The following CCDC171 variants were observed in gnomAD, a reference collection of about 807,000 sequenced individuals.
CCDC171 encodes the protein coiled-coil domain containing 171.
CCDC171 carries 177 observed loss-of-function variants against 168.2 expected under a neutral mutation model. The observed-to-expected ratio is 1.05, with a 90% CI of 0.93 to 1.19. The LOEUF is 1.19. Ranked by LOEUF, CCDC171 falls within the 50% of genes most tolerant of loss-of-function variation. The pLI is 0.00. For synonymous variants in CCDC171, 687 were observed against 540.8 expected, an observed-to-expected ratio of 1.27 and a Z score of -3.75; for missense variants, 1,991 against 1,539.0, an observed-to-expected ratio of 1.29 and a Z score of -4.91.
Position 15,820,182 on chromosome 9 carries a change from T to G in CCDC171, c.3268-26520T>G, listed in dbSNP as rs2059711368. On this transcript the variant is annotated intron_variant, in intron 21 of 25. Coordinates refer to ENST00000380701, the MANE Select transcript of CCDC171 (RefSeq NM_173550.4). ...AACATACCAGAATCTCTGGGACACATTCAAAGCAGTGTGTAGAGGGAAATT... is the reference window on the plus strand; with the variant it reads ...AACATACCAGAATCTCTGGGACACAGTCAAAGCAGTGTGTAGAGGGAAATT... Among the ~76,000 whole-genome samples the G allele has an allele frequency of 1.7e-5, 2 of 116,432 alleles. 1 individual carries two copies. 76.4% of individuals were successfully genotyped at this position (116,432 alleles called of 152,430 possible).
At chr9:15,839,215 A>G (rs562582391) in intron 21 of CCDC171, among the ~76,000 whole-genome samples, 1 of 152,314 alleles carries the variant, frequency 6.6e-6, no homozygotes, top group Admixed American at 6.5e-5. Context: ...GTGTATCCTT[A>G]AATAATACTG....
intron 11 of CCDC171, among the ~76,000 whole-genome samples, chr9:15,708,600 C>G (rs1176592147): frequency 6.6e-6 from 1 of 152,074 alleles, no homozygotes; most frequent in Non-Finnish European, 1.5e-5. Context: ...CAGAATACAG[C>G]TAGCCAGGAA....
In CCDC171 at chr9:15,729,804, C is replaced by A; in HGVS notation, c.2049+6C>A. 6.3e-7 allele frequency: 1 copy of A among 1,593,766 alleles called. No individual in the cohort carries two copies. ...AGGTGCAGAAGAGGGCACAGGTATG[C>A]TACCTTTACAAAGAGCTTTAAAAAA... On this transcript the variant is annotated splice_donor_region_variant and intron_variant, in intron 16 of 25. Transcript: ENST00000380701.
chr9:15,882,192 G>T (rs1818740016), intron 24 of CCDC171, among the ~76,000 whole-genome samples: 1 of 152,178 alleles, frequency 6.6e-6, no homozygotes, highest in African/African-American at 2.4e-5. Context: ...GATAGTTAAT[G>T]ATGTTGAGTA....
chr9:16,098,191 T>A, the CCDC171 span, among the ~76,000 whole-genome samples: 198 of 152,280 alleles, frequency 1.3e-3, 2 homozygotes, highest in African/African-American at 4.5e-3. Context: ...TCGCTGAGCC[T>A]TTTTTCCCCT....
At chr9:15,661,014 C>T (rs1189873981) in intron 8 of CCDC171, among the ~76,000 whole-genome samples, 5 of 152,196 alleles carry the variant, frequency 3.3e-5, no homozygotes, top group Non-Finnish European at 7.3e-5. Flanking sequence ...GGCGCGGGGG[C>T]TCACGCCTGT....
intron 2 of CCDC171, among the ~76,000 whole-genome samples, chr9:15,568,641 C>T (rs534300193): frequency 2.0e-5 from 3 of 152,230 alleles, no homozygotes; most frequent in South Asian, 4.1e-4. Context: ...TTTTGATTTG[C>T]GTTTCTCTAA....
At chr9:15,561,253 A>G (rs2039280798) in intron 1 of CCDC171, among the ~76,000 whole-genome samples, 2 of 152,198 alleles carry the variant, frequency 1.3e-5, no homozygotes, top group South Asian at 2.1e-4. Context: ...CGATGCCTGG[A>G]GAAGGGAGTT....
chr9:16,045,428 A>G (rs961847879), intron 1 of CCDC171, among the ~76,000 whole-genome samples: 1 of 152,236 alleles, frequency 6.6e-6, no homozygotes, highest in Admixed American at 6.5e-5. Flanking sequence ...GGAGGCTTAC[A>G]GCAGCCCTGA....
intron 25 of CCDC171, among the ~76,000 whole-genome samples, chr9:15,962,975 A>G (rs1830487710): frequency 6.6e-6 from 1 of 151,984 alleles, no homozygotes; most frequent in Non-Finnish European, 1.5e-5. Context: ...ATATTTCTCT[A>G]TCAGCCTTTA....
intron 18 of CCDC171, among the ~76,000 whole-genome samples, chr9:15,772,342 C>A (rs1448674199): frequency 6.6e-6 from 1 of 152,012 alleles, no homozygotes; most frequent in African/African-American, 2.4e-5. Flanking sequence ...AAGACAAATT[C>A]GCTTACTACT....
chr9:15,991,981 T>G (rs73413959), intron 3 of CCDC171, among the ~76,000 whole-genome samples: 2 of 151,998 alleles, frequency 1.3e-5, no homozygotes, highest in African/African-American at 4.8e-5. Flanking sequence ...TGGATTCACA[T>G]CCAAATTCTA....
intron 3 of CCDC171, among the ~76,000 whole-genome samples, chr9:15,574,903 G>A (rs1225584180): frequency 2.0e-5 from 3 of 152,200 alleles, no homozygotes; most frequent in African/African-American, 7.2e-5. Context: ...TTAGTAGACA[G>A]AGGGTACAGG....
At chr9:15,581,698 T>C (rs2041131825) in intron 4 of CCDC171, among the ~76,000 whole-genome samples, 1 of 152,070 alleles carries the variant, frequency 6.6e-6, no homozygotes, top group Non-Finnish European at 1.5e-5. Context: ...CCCTATTTAA[T>C]AAATTGTGTT....
chr9:15,901,669 T>C (rs1470353312), intron 24 of CCDC171, among the ~76,000 whole-genome samples: 1 of 152,190 alleles, frequency 6.6e-6, no homozygotes, highest in Non-Finnish European at 1.5e-5. Context: ...ACATATGTAT[T>C]CTTTACTATA....
rs200424950 is a variant in CCDC171, at chr9:15,787,245, C to CT, written c.3267+2561dup. Among the ~76,000 whole-genome samples the CT allele has an allele frequency of 5.2e-3, 770 of 148,136 alleles. 4 individuals are homozygous for CT. Among genetic ancestry groups the CT allele is most frequent in the East Asian group, 0.017 (89 of 5,086 alleles). ...ATCATTTCTTTGTGGTGATAATCCA[C>CT]TTTTTTTTTTACCATTTTGAAATAT... On this transcript the variant is annotated intron_variant, in intron 21 of 25. Coordinates refer to ENST00000380701, the MANE Select transcript of CCDC171 (RefSeq NM_173550.4).
chr9:15,848,276 C>T (rs1316862066), intron 22 of CCDC171, among the ~76,000 whole-genome samples: 1 of 151,906 alleles, frequency 6.6e-6, no homozygotes, highest in Non-Finnish European at 1.5e-5. Flanking sequence ...TTTCAATTTA[C>T]AATTAGATTT....
rs1231063820 is a variant in CCDC171 at position 15,793,248 on chromosome 9, G to A, written c.3267+8554G>A. Among the ~76,000 whole-genome samples, 7 of 151,940 alleles carry A rather than the reference G, an allele frequency of 4.6e-5. No individual in the cohort carries two copies. The East Asian group carries it at 9.7e-4, about 21-fold the overall frequency. ...AAGAAGGCCATTACATAATGGTAAA[G>A]GGATCAATTCAACAAGAAGAGCTAA... On this transcript the variant is annotated intron_variant, in intron 21 of 25. Transcript: ENST00000380701.
chr9:15,558,669 T>C (rs532317250), intron 1 of CCDC171, among the ~76,000 whole-genome samples: 1 of 152,306 alleles, frequency 6.6e-6, no homozygotes, highest in South Asian at 2.1e-4. Flanking sequence ...TTGTTGATCT[T>C]TTCCAAAAAC....
Sources: gnomAD v4.1 joint callset for allele counts (sites outside exome capture counted in the v4.1 genomes callset) on GRCh38, gnomAD v4.1.1 for gene constraint, MANE v1.5 for transcripts, NCBI Gene and HGNC (gene_info 2026-07-23, HGNC 2026-07-21) for gene names.